Variants in CCSER2 observed in about 807,000 individuals in gnomAD.
CCSER2 encodes serine-rich coiled-coil domain-containing protein 2.
A neutral mutation model predicts 92.3 loss-of-function variants in CCSER2; 46 were observed. The ratio of observed to expected loss-of-function variants is 0.50; its 90% confidence interval spans 0.39 to 0.64. The LOEUF (loss-of-function observed/expected upper bound fraction) is 0.64. Ranked by LOEUF, CCSER2 falls within the 30% of genes least tolerant of loss-of-function variation. The pLI is 0.00. For missense variants in CCSER2, 1,244 were observed against 1,238.9 expected (o/e 1.00, Z -0.06); for synonymous variants, 433 against 431.4 (o/e 1.00, Z -0.04).
At chr10:84,499,894 CCTT>C in intron 9 of CCSER2, 10 of 1,614,084 alleles carry the variant, frequency 6.2e-6, no homozygotes, top group South Asian at 1.1e-5. Context: ...TCTGCTCCCT[CCTT>C]CTCTCCTTGG....
intron 9 of CCSER2, among the ~76,000 whole-genome samples, chr10:84,502,012 A>T (rs944134484): frequency 4.0e-5 from 6 of 148,898 alleles, no homozygotes; most frequent in African/African-American, 1.5e-4. Flanking sequence ...TTTAATAACT[A>T]TTAATGAGCT....
intron 6 of CCSER2, among the ~76,000 whole-genome samples, chr10:84,440,519 G>A (rs1021389563): frequency 6.6e-6 from 1 of 152,080 alleles, no homozygotes; most frequent in African/African-American, 2.4e-5. Context: ...CAGTATGTCT[G>A]GCCCCCTCCC....
At chr10:84,427,418 T>C (rs1005831856) in intron 5 of CCSER2, among the ~76,000 whole-genome samples, 4 of 152,204 alleles carry the variant, frequency 2.6e-5, no homozygotes, top group African/African-American at 9.7e-5. Context: ...TATTAATTTC[T>C]CTCTGTGCCT....
At chr10:84,397,199 A>G (rs1218420134) in intron 3 of CCSER2, among the ~76,000 whole-genome samples, 1 of 152,218 alleles carries the variant, frequency 6.6e-6, no homozygotes, top group Non-Finnish European at 1.5e-5. Flanking sequence ...TCTTAAGTGC[A>G]TTGATTAATA....
At chr10:84,476,435 C>CTTTTTTTTTTTT (rs35978182) in intron 8 of CCSER2, among the ~76,000 whole-genome samples, 1 of 58,510 alleles carries the variant, frequency 1.7e-5, no homozygotes, top group Admixed American at 2.8e-4. Context: ...AATTCTCTCT[C>CTTTTTTTTTTTT]TTTTTTTTTT....
At chr10:84,373,517 C>A in intron 2 of CCSER2, 102 bp from the exon 3 acceptor site, 1 of 882,242 alleles carries the variant, frequency 1.1e-6, no homozygotes, top group Non-Finnish European at 1.7e-6. Flanking sequence ...TTTTTTTGAG[C>A]CAGCTTTTTT....
chr10:84,492,008 G>A (rs568069732), intron 9 of CCSER2, among the ~76,000 whole-genome samples: 50 of 152,212 alleles, frequency 3.3e-4, no homozygotes, highest in Non-Finnish European at 4.7e-4. Context: ...GGCCATGTGC[G>A]GTGGCTCATG....
rs140847291 is a variant in CCSER2 at position 84,366,700 on chromosome 10, A to G, written c.-39-4314A>G. 2.3e-3 allele frequency among the ~76,000 whole-genome samples: 352 copies of G among 152,326 alleles called. 1 individual carries two copies. The highest frequency in any genetic ancestry group is 6.7e-3 in the African/African-American group (280 of 41,584). On this transcript the variant is annotated intron_variant, in intron 1 of 9. Coordinates refer to ENST00000372088, the MANE Select transcript of CCSER2 (RefSeq NM_001284240.2). ...TAACGTATCTTGGCTTAAGTATATA[A>G]CAAGGATAAGGTAGAATCAAATAGA... is the stretch of plus-strand genomic sequence containing the variant.
At chr10:84,487,185 C>T (rs1224422870) in intron 9 of CCSER2, among the ~76,000 whole-genome samples, 1 of 152,178 alleles carries the variant, frequency 6.6e-6, no homozygotes, top group East Asian at 1.9e-4. Context: ...CATGATGCCT[C>T]CAGCTTTGTT....
At chr10:84,489,242 T>A (rs1473244593) in intron 9 of CCSER2, among the ~76,000 whole-genome samples, 1 of 152,170 alleles carries the variant, frequency 6.6e-6, no homozygotes. Flanking sequence ...GTTCTGTAGA[T>A]GTCTGTTAGG....
chr10:84,476,885 G>A (rs1256975585), intron 8 of CCSER2, among the ~76,000 whole-genome samples: 1 of 152,108 alleles, frequency 6.6e-6, no homozygotes, highest in Non-Finnish European at 1.5e-5. Flanking sequence ...TGGTCAGATG[G>A]ATCTTGTCAA....
At position 84,372,047 on chromosome 10, in the gene CCSER2, G is replaced by A. The variant is rs1589468765; in HGVS notation, c.995G>A (p.Gly332Glu). 3 of 1,613,760 alleles carry A rather than the reference G, an allele frequency of 1.9e-6. No homozygotes were observed. The highest frequency in any genetic ancestry group is 2.5e-6 in the Non-Finnish European group (3 of 1,179,814). Reference sequence around the variant, plus strand: ...AAATCTAGCCGATCTCCATTTTCTGGGACTATGACAGTTGATGGAAATAAA... The same window carrying A: ...AAATCTAGCCGATCTCCATTTTCTGAGACTATGACAGTTGATGGAAATAAA... ...LLKSSRSPFS[G>E]TMTVDGNKNS... The change falls in exon 2 of 10, where the codon GGG (glycine) becomes GAG (glutamate). Residue 332 changes from glycine to glutamate, a missense_variant. Gly to Glu is a moderately conservative substitution (Grantham distance 98). Transcript: ENST00000372088.
At chr10:84,453,598 G>C (rs1845426451) in intron 6 of CCSER2, among the ~76,000 whole-genome samples, 1 of 152,112 alleles carries the variant, frequency 6.6e-6, no homozygotes, top group South Asian at 2.1e-4. Flanking sequence ...ATTATATCAG[G>C]CTTGTTAATT....
In CCSER2 at chr10:84,348,803, A is replaced by G. The variant is rs535838487; in HGVS notation, c.-40+19995A>G. Among the ~76,000 whole-genome samples, 9 of 152,326 alleles carry G rather than the reference A, an allele frequency of 5.9e-5. No homozygotes were observed. In the East Asian group the frequency reaches 1.7e-3, roughly 29 times the overall value. The stretch of plus-strand genomic sequence containing the variant: ...TGCAAGACCAAGATTAGTACAAAAA[A>G]TATCTAAATACTCTTTATCCAGATT... On this transcript the variant is annotated intron_variant, in intron 1 of 9. Transcript: ENST00000372088.
intron 6 of CCSER2, chr10:84,455,229 C>T (rs915304922): frequency 5.4e-5 from 10 of 184,268 alleles, no homozygotes; most frequent in Non-Finnish European, 1.0e-4. Context: ...CAGGTAATCC[C>T]TCCCACCTTG....
chr10:84,452,250 C>A (rs1379469024), intron 6 of CCSER2: 2 of 152,110 alleles, frequency 1.3e-5, no homozygotes, highest in African/African-American at 4.8e-5. Flanking sequence ...ATTGCAGCTG[C>A]TCTGGAACTC....
intron 1 of CCSER2, among the ~76,000 whole-genome samples, chr10:84,361,662 A>G (rs1415086784): frequency 6.7e-6 from 1 of 148,466 alleles, no homozygotes; most frequent in African/African-American, 2.5e-5. Flanking sequence ...TTTTTTTGAG[A>G]TGGAGTTTCG....
chr10:84,470,582 A>G, intron 8 of CCSER2, 124 bp downstream of exon 8: 2 of 705,688 alleles, frequency 2.8e-6, no homozygotes, highest in South Asian at 5.8e-5. Context: ...CTTTTATATT[A>G]TTTTTAGATT....
chr10:84,417,721 A>G lies in CCSER2; in HGVS notation c.1615-50A>G, dbSNP rs746196765. ...TCGATTTTAAAAAATAATGGTTGAC[A>G]TATCCTTAGAGCTAGATTATGGTAT... On this transcript the variant is annotated intron_variant, in intron 3 of 9. Transcript: ENST00000372088. The G allele has an allele frequency of 5.8e-6, 5 of 861,758 alleles. No homozygotes were observed. The East Asian group carries it at 9.8e-5, about 17-fold the overall frequency. 53.4% of individuals were successfully genotyped at this position (861,758 alleles called of 1,614,324 possible). A position where few individuals can be genotyped will look rare whatever the true frequency, so the allele number is the denominator to read the frequency against.
Sources: allele counts gnomAD v4.1 joint callset (sites outside exome capture counted in the v4.1 genomes callset), GRCh38; gene constraint gnomAD v4.1.1; transcripts MANE v1.5; gene names NCBI Gene and HGNC (gene_info 2026-07-23, HGNC 2026-07-21).